BCAS1: variants seen among roughly 807,000 people sequenced by gnomAD.
BCAS1 encodes the protein breast carcinoma-amplified sequence 1.
Under a neutral mutation model 65.4 loss-of-function variants are expected in BCAS1, and 46 were observed. The observed-to-expected ratio is 0.70, with a 90% CI of 0.55 to 0.90. The LOEUF (loss-of-function observed/expected upper bound fraction) is 0.90, where lower values mean the gene tolerates loss of function less well. BCAS1 is among the 40% of genes least tolerant of loss of function. The pLI is 0.00. For synonymous variants in BCAS1, 298 were observed against 293.5 expected, an observed-to-expected ratio of 1.02 and a Z score of -0.16; for missense variants, 793 against 771.2, an observed-to-expected ratio of 1.03 and a Z score of -0.33.
chr20:53,948,499 T>C (rs1244682637), intron 12 of BCAS1, among the ~76,000 whole-genome samples: 2 of 152,242 alleles, frequency 1.3e-5, no homozygotes, highest in Admixed American at 1.3e-4. Flanking sequence ...TGGCTGGTGC[T>C]GAGGAGGGGC....
In BCAS1 at chr20:53,944,822, A is replaced by G. The variant is rs2089254445; in HGVS notation, c.*100T>C. 1 of 1,113,270 alleles carries G rather than the reference A, an allele frequency of 9.0e-7. No homozygotes were observed. Among genetic ancestry groups the G allele is most frequent in the South Asian group, 1.2e-5 (1 of 80,380 alleles). 69.0% of individuals were successfully genotyped at this position (1,113,270 alleles called of 1,614,324 possible). On this transcript the variant is annotated 3_prime_UTR_variant, in exon 13 of 13. Coordinates refer to ENST00000688948, the MANE Select transcript of BCAS1 (RefSeq NM_001366298.2). Reference sequence around the variant, plus strand: ...CTAGGCAGAATTTCATTTGCTGGCCATCAGAAGAATATATACATGGAGCGT... The same window carrying G: ...CTAGGCAGAATTTCATTTGCTGGCCGTCAGAAGAATATATACATGGAGCGT...
intron 3 of BCAS1, among the ~76,000 whole-genome samples, chr20:54,049,311 C>T (rs992770776): frequency 1.3e-5 from 2 of 152,148 alleles, no homozygotes; most frequent in Non-Finnish European, 2.9e-5. Flanking sequence ...CCAGGTCAAA[C>T]ATTCCTTCTG....
intron 3 of BCAS1, among the ~76,000 whole-genome samples, chr20:54,042,083 G>A (rs2092010565): frequency 6.6e-6 from 1 of 152,108 alleles, no homozygotes. Context: ...TTGCATAGGG[G>A]TACAAAGGCT....
At chr20:54,006,158 A>G (rs770532090) in intron 4 of BCAS1, among the ~76,000 whole-genome samples, 4 of 152,194 alleles carry the variant, frequency 2.6e-5, no homozygotes, top group African/African-American at 4.8e-5. Flanking sequence ...TATTCCCTGA[A>G]GAGAAACATC....
intron 3 of BCAS1, among the ~76,000 whole-genome samples, chr20:54,037,359 G>C (rs2091917121): frequency 1.3e-5 from 2 of 151,344 alleles, no homozygotes; most frequent in Non-Finnish European, 3.0e-5. Context: ...ACAGCATGGA[G>C]GAAACTGTCC....
chr20:53,995,172 A>G, intron 5 of BCAS1, 116 bp from the exon 6 acceptor site: 1 of 834,350 alleles, frequency 1.2e-6, no homozygotes, highest in Non-Finnish European at 1.9e-6. Context: ...CAAGAATAAA[A>G]TGAGAAGTAT....
Position 53,953,585 on chromosome 20 carries a change from C to T in BCAS1, c.1662G>A (p.Met554Ile), listed in dbSNP as rs770743637. ...SSKDKKSAAE[M>I]NKQKSNKQEA... ...CCTGCTTGTTGCTCTTCTGCTTGTT[C>T]ATCTCGGCTGCTGACTTCTTGTCCT... The change falls in exon 12 of 13, where the codon ATG (methionine) becomes ATA (isoleucine). Residue 554 changes from methionine (M) to isoleucine (I), a missense_variant. By Grantham distance (10) the Met-to-Ile change is conservative. Transcript: ENST00000688948. The T allele has an allele frequency of 6.2e-7, 1 of 1,613,836 alleles. No homozygotes were observed. The highest frequency in any genetic ancestry group is 8.5e-7 in the Non-Finnish European group (1 of 1,179,948).
At chr20:53,986,485 AT>A (rs1370129378) in intron 7 of BCAS1, among the ~76,000 whole-genome samples, 1 of 151,494 alleles carries the variant, frequency 6.6e-6, no homozygotes, top group East Asian at 1.9e-4. Flanking sequence ...AATCCTAAAC[AT>A]CTTCATTTTA....
rs1286112977 is a variant in BCAS1 at position 53,993,885 on chromosome 20, C to T, written c.927+1127G>A. 2.6e-5 allele frequency among the ~76,000 whole-genome samples: 4 copies of T among 152,180 alleles called. No individual in the cohort carries two copies. The East Asian group carries it at 7.7e-4, about 29-fold the overall frequency. The stretch of plus-strand genomic sequence containing the variant: ...ATACAAATGTAGTCATGTCATTCAA[C>T]CAATCTTGGCTGTGATCATTGAAAT... On this transcript the variant is annotated intron_variant, in intron 6 of 12. Coordinates refer to ENST00000688948, the MANE Select transcript of BCAS1 (RefSeq NM_001366298.2).
chr20:54,029,789 C>T lies in BCAS1; in HGVS notation c.143-817G>A, dbSNP rs138925019. The stretch of plus-strand genomic sequence containing the variant: ...CTGACAGTCAGAGAGGTCAGTACAC[C>T]CTCCCCTGGCTGCCCAGTAAGCTAG... On this transcript the variant is annotated intron_variant, in intron 3 of 12. Transcript: ENST00000688948. 2.0e-3 allele frequency among the ~76,000 whole-genome samples: 307 copies of T among 152,218 alleles called. 3 individuals carry two copies. The highest frequency in any genetic ancestry group is 6.7e-3 in the African/African-American group (277 of 41,532).
chr20:54,037,564 A>C (rs946689664), intron 3 of BCAS1, among the ~76,000 whole-genome samples: 1 of 151,628 alleles, frequency 6.6e-6, no homozygotes, highest in Non-Finnish European at 1.5e-5. Flanking sequence ...TATGTATGAC[A>C]TTTGTTTATT....
chr20:54,006,797 G>C (rs1247051824), intron 4 of BCAS1, among the ~76,000 whole-genome samples: 1 of 152,140 alleles, frequency 6.6e-6, no homozygotes, highest in African/African-American at 2.4e-5. Context: ...GAAAGATTAG[G>C]AGAGAAATTT....
intron 3 of BCAS1, among the ~76,000 whole-genome samples, chr20:54,032,726 T>C (rs919853381): frequency 6.6e-6 from 1 of 150,950 alleles, no homozygotes; most frequent in Non-Finnish European, 1.5e-5. Flanking sequence ...AAGAAAAAAA[T>C]ATGGGCATTG....
intron 1 of BCAS1, among the ~76,000 whole-genome samples, chr20:54,064,628 G>A (rs460470): frequency 0.49 from 75,083 of 152,086 alleles, 20,191 homozygotes; most frequent in African/African-American, 0.72. Context: ...GCTGCCCTCC[G>A]CAGTCTCGCT....
intron 4 of BCAS1, 182 bp downstream of exon 4, chr20:54,028,210 A>G (rs1265487529): frequency 1.5e-6 from 1 of 648,508 alleles, no homozygotes; most frequent in Admixed American, 2.6e-5. Flanking sequence ...CTTCACACAG[A>G]AGTTTCTACC....
chr20:54,068,230 T>C (rs970034560), intron 1 of BCAS1, among the ~76,000 whole-genome samples: 2 of 152,216 alleles, frequency 1.3e-5, no homozygotes, highest in African/African-American at 4.8e-5. Context: ...TGGTGATTGA[T>C]GTTTTGCTTT....
At position 54,058,627 on chromosome 20, in the gene BCAS1, T is replaced by G. The variant is rs1329924408; in HGVS notation, c.72+20A>C. On this transcript the variant is annotated intron_variant, in intron 2 of 12. Coordinates refer to ENST00000688948, the MANE Select transcript of BCAS1 (RefSeq NM_001366298.2). ...TTTTTTTTTTTTCTGCTGATGCCCC[T>G]GTAATGGTTACTACACTACCTGGTA... 7.5e-7 allele frequency: 1 copy of G among 1,330,888 alleles called. No homozygotes were observed. Among genetic ancestry groups the G allele is most frequent in the African/African-American group, 1.5e-5 (1 of 67,208 alleles). 82.4% of individuals were successfully genotyped at this position (1,330,888 alleles called of 1,614,324 possible).
At chr20:53,962,880 T>G (rs903532894) in intron 10 of BCAS1, among the ~76,000 whole-genome samples, 2 of 152,132 alleles carry the variant, frequency 1.3e-5, no homozygotes, top group African/African-American at 4.8e-5. Flanking sequence ...AGACGGAGTC[T>G]CGCTCTGTCG....
chr20:54,028,839 T>C lies in BCAS1; in HGVS notation c.276A>G (p.Lys92=). The change falls in exon 4 of 13, where the codon AAA becomes AAG. Residue 92 remains lysine (K), a synonymous_variant. Transcript: ENST00000688948. ...KEAKPEAPAA[K]SRFFLMLSRP... is the part of the protein sequence containing the mutation. ...GAGAGAGCATCAAGAAAAAACGAGA[T>C]TTAGCAGCTGGTGCCTCGGGTTTGG... 2 of 1,613,828 alleles carry C rather than the reference T, an allele frequency of 1.2e-6. No homozygotes were observed. The highest frequency in any genetic ancestry group is 1.7e-5 in the Admixed American group (1 of 59,978).
Sources: allele counts gnomAD v4.1 joint callset (sites outside exome capture counted in the v4.1 genomes callset), GRCh38; gene constraint gnomAD v4.1.1; transcripts MANE v1.5; gene names NCBI Gene and HGNC (gene_info 2026-07-23, HGNC 2026-07-21).